Variants in PIK3CA observed in about 807,000 individuals in gnomAD.
The protein encoded by PIK3CA is phosphatidylinositol 4,5-bisphosphate 3-kinase catalytic subunit alpha isoform.
PIK3CA carries 27 observed loss-of-function variants against 138.2 expected under a neutral mutation model. The observed-to-expected ratio is 0.20, with a 90% CI of 0.14 to 0.27. PIK3CA has a LOEUF of 0.27. PIK3CA is among the 10% of genes least tolerant of loss of function. The probability of loss-of-function intolerance (pLI) is 1.00; values close to 1 mark genes in which losing one functional copy is unlikely to be tolerated. For synonymous variants in PIK3CA, 358 were observed against 413.2 expected (o/e 0.87, Z 1.62); for missense variants, 544 against 1,277.4 (o/e 0.43, Z 8.75).
At chr3:179,222,012 G>A (rs1399653948) in intron 14 of PIK3CA, among the ~76,000 whole-genome samples, 1 of 151,574 alleles carries the variant, frequency 6.6e-6, no homozygotes, top group Admixed American at 6.6e-5. Flanking sequence ...CTAGCCCAAT[G>A]TAAACTTTTT....
rs535191652 is a variant in PIK3CA at position 179,237,569 on chromosome 3, A to G, written c.*3205A>G. 2.0e-3 allele frequency: 423 copies of G among 207,612 alleles called. 2 individuals carry two copies. Among genetic ancestry groups the G allele is most frequent in the Non-Finnish European group, 2.2e-3 (220 of 101,674 alleles). The allele number at this position is 207,612 out of a possible 1,614,324, so 12.9% of individuals were successfully genotyped here. On this transcript the variant is annotated 3_prime_UTR_variant, in exon 21 of 21. Transcript: ENST00000263967. ...GACTGTATATGCCCTCTTGGATTTT[A>G]TTTTAAATGGATTGGTGACTTTCAC... is the stretch of plus-strand genomic sequence containing the variant.
chr3:179,190,071 A>G (rs758847979), intron 1 of PIK3CA, among the ~76,000 whole-genome samples: 1 of 152,134 alleles, frequency 6.6e-6, no homozygotes, highest in Non-Finnish European at 1.5e-5. Context: ...GTGCATCTCC[A>G]CTATAGTAAA....
intron 1 of PIK3CA, among the ~76,000 whole-genome samples, chr3:179,160,174 A>C (rs569421949): frequency 6.6e-6 from 1 of 152,192 alleles, no homozygotes; most frequent in Admixed American, 6.5e-5. Context: ...GACAGCTATG[A>C]TGTCACTAAA....
chr3:179,169,643 T>C (rs1348965600), intron 1 of PIK3CA, among the ~76,000 whole-genome samples: 1 of 152,242 alleles, frequency 6.6e-6, no homozygotes, highest in African/African-American at 2.4e-5. Flanking sequence ...AGTTTGTTTC[T>C]GAACTCAGTT....
In PIK3CA at chr3:179,179,143, T is replaced by C. The variant is rs150288707; in HGVS notation, c.-76-19607T>C. Among the ~76,000 whole-genome samples, 374 of 152,358 alleles carry C rather than the reference T, an allele frequency of 2.5e-3. 1 individual carries two copies. Among genetic ancestry groups the C allele is most frequent in the African/African-American group, 8.6e-3 (359 of 41,582 alleles). Reference sequence around the variant, plus strand: ...GCTTTTTTAAGGATAAGCATAAGAATATTAACTCTTTTCTGCAAGTTTACA... The same window carrying C: ...GCTTTTTTAAGGATAAGCATAAGAACATTAACTCTTTTCTGCAAGTTTACA... On this transcript the variant is annotated intron_variant, in intron 1 of 20. Coordinates refer to ENST00000263967, the MANE Select transcript of PIK3CA (RefSeq NM_006218.4).
At chr3:179,162,906 T>C (rs1183163373) in intron 1 of PIK3CA, among the ~76,000 whole-genome samples, 1 of 151,878 alleles carries the variant, frequency 6.6e-6, no homozygotes, top group Non-Finnish European at 1.5e-5. Context: ...TAATTTTGTC[T>C]GAGAAACTAT....
chr3:179,157,692 A>G (rs1371769393), intron 1 of PIK3CA, among the ~76,000 whole-genome samples: 1 of 152,114 alleles, frequency 6.6e-6, no homozygotes, highest in African/African-American at 2.4e-5. Context: ...GGATATTTGC[A>G]GTCAGGATAG....
chr3:179,195,524 ATAAAT>A (rs943203923), intron 1 of PIK3CA, among the ~76,000 whole-genome samples: 6 of 152,298 alleles, frequency 3.9e-5, no homozygotes, highest in South Asian at 2.1e-4. Context: ...ATTCATTGAG[ATAAAT>A]TAAACTACCC....
Position 179,187,006 on chromosome 3 carries a change from A to T in PIK3CA, c.-76-11744A>T, listed in dbSNP as rs75523419. Among the ~76,000 whole-genome samples the T allele has an allele frequency of 1.0e-2, 1,515 of 152,138 alleles. 24 individuals carry two copies. The highest frequency in any genetic ancestry group is 0.035 in the African/African-American group (1,456 of 41,486). On this transcript the variant is annotated intron_variant, in intron 1 of 20. Transcript: ENST00000263967. Reference sequence around the variant, plus strand: ...GATTGTTTCTCTCTTTATGCAAAAGATGCTATTTTTTAGTCATTTTATAAG... The same window carrying T: ...GATTGTTTCTCTCTTTATGCAAAAGTTGCTATTTTTTAGTCATTTTATAAG...
intron 14 of PIK3CA, among the ~76,000 whole-genome samples, chr3:179,221,491 A>T (rs565603768): frequency 1.6e-4 from 24 of 152,158 alleles, no homozygotes; most frequent in Admixed American, 9.8e-4. Flanking sequence ...CCTTTCTCTT[A>T]TTCAGGTCCC....
chr3:179,160,551 G>A (rs1034028506), intron 1 of PIK3CA, among the ~76,000 whole-genome samples: 2 of 152,094 alleles, frequency 1.3e-5, no homozygotes, highest in African/African-American at 4.8e-5. Flanking sequence ...CAATTGTATT[G>A]GTCTCCAATG....
chr3:179,176,188 G>A (rs2108366459), intron 1 of PIK3CA, among the ~76,000 whole-genome samples: 1 of 152,226 alleles, frequency 6.6e-6, no homozygotes, highest in Middle Eastern at 3.4e-3. Context: ...ATCTATTGAA[G>A]TCCAAAGCAT....
chr3:179,237,197 G>A lies in PIK3CA; in HGVS notation c.*2833G>A, dbSNP rs1482417895. 1 of 194,746 alleles carries A rather than the reference G, an allele frequency of 5.1e-6. No homozygotes were observed. Among genetic ancestry groups the A allele is most frequent in the Non-Finnish European group, 1.1e-5 (1 of 93,656 alleles). 12.1% of individuals were successfully genotyped at this position (194,746 alleles called of 1,614,324 possible). On this transcript the variant is annotated 3_prime_UTR_variant, in exon 21 of 21. Coordinates refer to ENST00000263967, the MANE Select transcript of PIK3CA (RefSeq NM_006218.4). Reference sequence around the variant, plus strand: ...TAATTTGAAATCTGTTACTCTTATTGTGGAATTTGTTTTTTTAAAAAAGAT... The same window carrying A: ...TAATTTGAAATCTGTTACTCTTATTATGGAATTTGTTTTTTTAAAAAAGAT...
At chr3:179,170,059 C>T (rs1030685713) in intron 1 of PIK3CA, among the ~76,000 whole-genome samples, 3 of 97,316 alleles carry the variant, frequency 3.1e-5, no homozygotes, top group South Asian at 3.7e-4. Flanking sequence ...TGCACATGCG[C>T]GTGCACACGC....
chr3:179,239,927 G>A lies in PIK3CA; in HGVS notation c.*5563G>A. The stretch of plus-strand genomic sequence containing the variant: ...ATATTGAGAATATAGAATAATAACA[G>A]TATCACTAAATTTAAGACCTCTTCC... On this transcript the variant is annotated 3_prime_UTR_variant, in exon 21 of 21. Transcript: ENST00000263967. The A allele has an allele frequency of 3.4e-6, 3 of 891,792 alleles. No homozygotes were observed. Among genetic ancestry groups the A allele is most frequent in the South Asian group, 3.1e-5 (2 of 65,420 alleles). 55.2% of individuals were successfully genotyped at this position (891,792 alleles called of 1,614,324 possible). A position where few individuals can be genotyped will look rare whatever the true frequency, so the allele number is the denominator to read the frequency against.
At chr3:179,189,804 C>G (rs1724081614) in intron 1 of PIK3CA, among the ~76,000 whole-genome samples, 1 of 152,136 alleles carries the variant, frequency 6.6e-6, no homozygotes, top group Non-Finnish European at 1.5e-5. Flanking sequence ...ACTTGATTTT[C>G]CACCCTGAAG....
intron 1 of PIK3CA, among the ~76,000 whole-genome samples, chr3:179,198,072 A>G (rs1384547412): frequency 6.6e-6 from 1 of 152,222 alleles, no homozygotes; most frequent in African/African-American, 2.4e-5. Flanking sequence ...TCATACTTCA[A>G]GGAAAATTCA....
chr3:179,190,640 T>TC (rs973905202), intron 1 of PIK3CA, among the ~76,000 whole-genome samples: 5 of 151,694 alleles, frequency 3.3e-5, no homozygotes, highest in Non-Finnish European at 5.9e-5. Flanking sequence ...AGCTTTTTTT[T>TC]TCTCTCTCTC....
intron 1 of PIK3CA, among the ~76,000 whole-genome samples, chr3:179,186,721 C>T (rs766165877): frequency 1.2e-4 from 19 of 152,164 alleles, no homozygotes; most frequent in Non-Finnish European, 2.8e-4. Context: ...GTTAAACCAT[C>T]AGGACCTTTT....
Sources: allele counts gnomAD v4.1 joint callset (sites outside exome capture counted in the v4.1 genomes callset), GRCh38; gene constraint gnomAD v4.1.1; transcripts MANE v1.5; gene names NCBI Gene and HGNC (gene_info 2026-07-23, HGNC 2026-07-21).